The following CD200 variants were observed in gnomAD, a reference collection of about 807,000 sequenced individuals.
The protein encoded by CD200 is OX-2 membrane glycoprotein.
A neutral mutation model predicts 30.9 loss-of-function variants in CD200; 15 were observed. The ratio of observed to expected loss-of-function variants is 0.49; its 90% CI spans 0.32 to 0.75. The LOEUF (loss-of-function observed/expected upper bound fraction) is 0.75, where lower values mean the gene tolerates loss of function less well. CD200 is among the 30% of genes least tolerant of loss of function. The pLI is 0.03. For synonymous variants in CD200, 134 were observed against 126.2 expected (o/e 1.06, Z -0.41); for missense variants, 262 against 324.2 (o/e 0.81, Z 1.47).
At position 112,361,659 on chromosome 3, in the gene CD200, G is replaced by C; in HGVS notation, c.*109G>C. ...CTCCAAAGGACCTGAAAGAGCAAAA[G>C]AGGTGGGAGCGAAAGCCTTAAGGAT... On this transcript the variant is annotated 3_prime_UTR_variant, in exon 6 of 6. Transcript: ENST00000315711. The C allele has an allele frequency of 9.9e-7, 1 of 1,008,450 alleles. No homozygotes were observed. Among genetic ancestry groups the C allele is most frequent in the East Asian group, 2.4e-5 (1 of 42,166 alleles). The allele number at this position is 1,008,450 out of a possible 1,614,324, so 62.5% of individuals were successfully genotyped here.
At chr3:112,345,661 AGTGT>A (rs1047383997) in intron 3 of CD200, among the ~76,000 whole-genome samples, 15 of 152,340 alleles carry the variant, frequency 9.8e-5, no homozygotes, top group Non-Finnish European at 2.1e-4. Context: ...CTGGACAATA[AGTGT>A]GAAATAGATC....
At chr3:112,349,907 G>A in intron 5 of CD200, 88 bp downstream of exon 5, 1 of 1,418,682 alleles carries the variant, frequency 7.0e-7, no homozygotes, top group East Asian at 2.6e-5. Flanking sequence ...ATATAAATAA[G>A]GGAATGGCAA....
chr3:112,343,988 G>C (rs1327287857), intron 2 of CD200, among the ~76,000 whole-genome samples: 1 of 151,844 alleles, frequency 6.6e-6, no homozygotes, highest in Non-Finnish European at 1.5e-5. Context: ...TTCATGGCCT[G>C]TTCTTACTTT....
chr3:112,335,256 G>T (rs186293246), intron 1 of CD200, among the ~76,000 whole-genome samples: 2 of 152,216 alleles, frequency 1.3e-5, no homozygotes, highest in East Asian at 3.9e-4. Flanking sequence ...GCAGTGGATG[G>T]GCAGGGTGAG....
chr3:112,341,174 A>G (rs565665035), intron 2 of CD200, among the ~76,000 whole-genome samples, 191 bp downstream of exon 2: 3 of 152,350 alleles, frequency 2.0e-5, no homozygotes, highest in African/African-American at 7.2e-5. Context: ...GTAGAAGCAC[A>G]CTTTGATATT....
intron 1 of CD200, among the ~76,000 whole-genome samples, chr3:112,335,590 A>G (rs898551799): frequency 1.3e-5 from 2 of 152,168 alleles, no homozygotes; most frequent in African/African-American, 4.8e-5. Flanking sequence ...AGTCTAAGTG[A>G]TTGGTTCTCT....
intron 5 of CD200, among the ~76,000 whole-genome samples, chr3:112,352,444 G>T (rs1479749366): frequency 6.6e-6 from 1 of 151,888 alleles, no homozygotes; most frequent in East Asian, 1.9e-4. Context: ...AAATGAGCAG[G>T]AAAACACGAT....
intron 1 of CD200, among the ~76,000 whole-genome samples, chr3:112,335,000 G>T (rs1237508203): frequency 6.6e-6 from 1 of 152,126 alleles, no homozygotes; most frequent in Non-Finnish European, 1.5e-5. Context: ...GAAGCCTAAT[G>T]GTTTAAAAAA....
At chr3:112,347,467 A>G in intron 3 of CD200, 91 bp from the exon 4 acceptor site, 1 of 1,262,638 alleles carries the variant, frequency 7.9e-7, no homozygotes. Context: ...TTATCTTTCT[A>G]TAAGCATATT....
intron 3 of CD200, 37 bp from the exon 4 acceptor site, chr3:112,347,521 T>A (rs952662794): frequency 6.2e-7 from 1 of 1,604,326 alleles, no homozygotes; most frequent in Non-Finnish European, 8.5e-7. Flanking sequence ...GACCAGGTGC[T>A]TAACTGATAA....
chr3:112,343,800 C>T (rs1046152206), intron 2 of CD200, among the ~76,000 whole-genome samples: 1 of 152,022 alleles, frequency 6.6e-6, no homozygotes, highest in African/African-American at 2.4e-5. Flanking sequence ...TAGATTGTTC[C>T]TTTTATCATT....
intron 5 of CD200, among the ~76,000 whole-genome samples, chr3:112,359,114 C>T (rs2081687587): frequency 6.6e-6 from 1 of 152,122 alleles, no homozygotes; most frequent in African/African-American, 2.4e-5. Context: ...GTGAGTAAAG[C>T]ATGGCCTTTG....
upstream of CD200, chr3:112,332,976 A>T (rs2081028784): frequency 1.7e-6 from 1 of 591,268 alleles, no homozygotes; most frequent in Admixed American, 3.3e-5. Context: ...ACCTTTGAAA[A>T]GGGAAAAATG....
At chr3:112,336,073 G>A (rs1224224445) in intron 1 of CD200, 1 of 1,135,572 alleles carries the variant, frequency 8.8e-7, no homozygotes, top group Non-Finnish European at 1.3e-6. Flanking sequence ...TCTTGCTAGA[G>A]GAAAAATGAA....
At chr3:112,361,445 CTG>C (rs2081740227) in intron 5 of CD200, 96 bp from the exon 6 acceptor site, 2 of 971,212 alleles carry the variant, frequency 2.1e-6, no homozygotes, top group Admixed American at 1.7e-5. Context: ...TAGAATAACT[CTG>C]TGTTTCTTAA....
chr3:112,342,430 T>C (rs368569811), intron 2 of CD200, among the ~76,000 whole-genome samples: 1 of 61,838 alleles, frequency 1.6e-5, no homozygotes, highest in Admixed American at 1.6e-4. Context: ...TCTTTCTTTC[T>C]TCTCTCTCTT....
At chr3:112,351,042 A>G (rs963245917) in intron 5 of CD200, among the ~76,000 whole-genome samples, 1 of 152,316 alleles carries the variant, frequency 6.6e-6, no homozygotes, top group East Asian at 1.9e-4. Context: ...TGGAACTCAT[A>G]AGTGCTCCAC....
In CD200 at chr3:112,340,943, G is replaced by T; in HGVS notation, c.54G>T (p.Leu18=). The change falls in exon 2 of 6, where the codon CTG becomes CTT. Residue 18 remains leucine (L), a synonymous_variant. Transcript: ENST00000315711. ...MPFSHLSTYS[L]VWVMAAVVLC... is the part of the protein sequence containing the mutation. The stretch of plus-strand genomic sequence containing the variant: ...TCTCTCATCTGTCTACCTACAGCCT[G>T]GTTTGGGTCATGGCAGCAGTGGTGC... The T allele has an allele frequency of 6.2e-7, 1 of 1,612,904 alleles. No individual in the cohort carries two copies. Among genetic ancestry groups the T allele is most frequent in the South Asian group, 1.1e-5 (1 of 91,016 alleles).
chr3:112,335,951 C>A, intron 1 of CD200: 1 of 1,610,114 alleles, frequency 6.2e-7, no homozygotes, highest in East Asian at 2.2e-5. Flanking sequence ...AGACTCTGAC[C>A]AGGACAATTG....
Sources: allele counts gnomAD v4.1 joint callset (sites outside exome capture counted in the v4.1 genomes callset), GRCh38; gene constraint gnomAD v4.1.1; transcripts MANE v1.5; gene names NCBI Gene and HGNC (gene_info 2026-07-23, HGNC 2026-07-21).